Variants in B4GALT1 observed in about 807,000 individuals in gnomAD.
B4GALT1 encodes the protein N-acetyllactosamine synthase.
A neutral mutation model predicts 34.9 loss-of-function variants in B4GALT1; 16 were observed. That is an observed-to-expected ratio of 0.46 (90% CI 0.31 to 0.70). The LOEUF (loss-of-function observed/expected upper bound fraction) is 0.70. Ranked by LOEUF, B4GALT1 falls within the 30% of genes least tolerant of loss-of-function variation. The pLI, the probability that B4GALT1 is intolerant of heterozygous loss-of-function variation, is 0.05. For missense variants in B4GALT1, 445 were observed against 530.5 expected (o/e 0.84, Z 1.58); for synonymous variants, 221 against 218.1 (o/e 1.01, Z -0.12).
At chr9:33,180,845 A>T in the B4GALT1 span, among the ~76,000 whole-genome samples, 3 of 152,158 alleles carry the variant, frequency 2.0e-5, no homozygotes, top group East Asian at 5.8e-4. Flanking sequence ...CCAAAATAAG[A>T]TGGGGGATTG....
chr9:33,165,739 C>T (rs1034038204), intron 1 of B4GALT1, among the ~76,000 whole-genome samples: 2 of 152,162 alleles, frequency 1.3e-5, no homozygotes, highest in African/African-American at 4.8e-5. Context: ...GTGTGGTAAC[C>T]CTGGAAGCAA....
chr9:33,126,603 T>G (rs1840101631), intron 2 of B4GALT1, among the ~76,000 whole-genome samples: 1 of 152,254 alleles, frequency 6.6e-6, no homozygotes, highest in Non-Finnish European at 1.5e-5. Context: ...TAAACATTGT[T>G]AACTATTGTT....
intron 2 of B4GALT1, among the ~76,000 whole-genome samples, chr9:33,126,458 G>A (rs1377335966): frequency 6.6e-6 from 1 of 152,056 alleles, no homozygotes; most frequent in East Asian, 1.9e-4. Context: ...TTGTTTTTTT[G>A]CAGGGGAGAC....
chr9:33,146,834 T>C lies in B4GALT1; in HGVS notation c.413-11410A>G, dbSNP rs555086753. On this transcript the variant is annotated intron_variant, in intron 1 of 5. Transcript: ENST00000379731. ...TCAGCCTACTGAGTACCTGGGAATA[T>C]AGGTGCATGTCACCACACACCACAT... 5.3e-5 allele frequency among the ~76,000 whole-genome samples: 8 copies of C among 152,230 alleles called. No homozygotes were observed. The South Asian group carries it at 1.7e-3, about 32-fold the overall frequency.
chr9:33,137,744 G>A (rs1840291514), intron 1 of B4GALT1, among the ~76,000 whole-genome samples: 1 of 152,126 alleles, frequency 6.6e-6, no homozygotes, highest in African/African-American at 2.4e-5. Flanking sequence ...GGGCTCCGAT[G>A]GACCATCTGA....
At chr9:33,166,000 A>C (rs1267939347) in intron 1 of B4GALT1, among the ~76,000 whole-genome samples, 2 of 152,124 alleles carry the variant, frequency 1.3e-5, no homozygotes, top group Non-Finnish European at 1.5e-5. Flanking sequence ...CCCAGAGTAC[A>C]CAAGCTCTCT....
chr9:33,127,000 C>T lies in B4GALT1; in HGVS notation c.649-6394G>A, dbSNP rs144995068. On this transcript the variant is annotated intron_variant, in intron 2 of 5. Transcript: ENST00000379731. Reference sequence around the variant, plus strand: ...TTTTTAAAATGGAGTCTCACTCTGTCGCCCAGGCTGGAGTGCAGTGGCGCG... The same window carrying T: ...TTTTTAAAATGGAGTCTCACTCTGTTGCCCAGGCTGGAGTGCAGTGGCGCG... 3.9e-3 allele frequency among the ~76,000 whole-genome samples: 587 copies of T among 152,088 alleles called. 4 individuals carry two copies. The highest frequency in any genetic ancestry group is 0.013 in the African/African-American group (546 of 41,492).
chr9:33,178,764 T>C, the B4GALT1 span: 6 of 152,260 alleles, frequency 3.9e-5, no homozygotes, highest in Admixed American at 3.3e-4. Context: ...CTGCCTTCAA[T>C]TGCTGTATCT....
At chr9:33,157,183 C>A (rs1840609392) in intron 1 of B4GALT1, among the ~76,000 whole-genome samples, 1 of 149,042 alleles carries the variant, frequency 6.7e-6, no homozygotes, top group Non-Finnish European at 1.5e-5. Flanking sequence ...CAGTGTGAGG[C>A]TCCAGCTAGA....
the B4GALT1 span, among the ~76,000 whole-genome samples, chr9:33,181,130 C>G: frequency 6.6e-6 from 1 of 152,132 alleles, no homozygotes; most frequent in South Asian, 2.1e-4. Flanking sequence ...CTTTAAAAGT[C>G]TATCCTTGGC....
chr9:33,114,208 T>G (rs1839907532), intron 4 of B4GALT1, among the ~76,000 whole-genome samples: 1 of 152,084 alleles, frequency 6.6e-6, no homozygotes, highest in Non-Finnish European at 1.5e-5. Context: ...GAAGATGAGG[T>G]TGGAGACACA....
At chr9:33,173,591 GGTGT>G in the B4GALT1 span, among the ~76,000 whole-genome samples, 2,264 of 142,872 alleles carry the variant, frequency 0.016, 21 homozygotes, top group East Asian at 0.033. Context: ...AAATAAGAAT[GGTGT>G]GTGTGTGTGT....
rs1184064949 is a variant in B4GALT1 at position 33,154,409 on chromosome 9, A to G, written c.412+12349T>C. On this transcript the variant is annotated intron_variant, in intron 1 of 5. Coordinates refer to ENST00000379731, the MANE Select transcript of B4GALT1 (RefSeq NM_001497.4). ...ACCATTCTTAATAGTCAAAGACTGG[A>G]TATTTTCCCCCTAACAAGACACATA... Among the ~76,000 whole-genome samples the G allele has an allele frequency of 7.2e-5, 11 of 152,226 alleles. No individual in the cohort carries two copies. The East Asian group carries it at 2.1e-3, about 29-fold the overall frequency.
At chr9:33,181,442 AC>A in the B4GALT1 span, among the ~76,000 whole-genome samples, 5 of 151,108 alleles carry the variant, frequency 3.3e-5, no homozygotes, top group African/African-American at 1.2e-4. Flanking sequence ...ACACACACAC[AC>A]ACACACACAC....
chr9:33,173,591 G>GGTGTGTGTGTGTGTGT, the B4GALT1 span, among the ~76,000 whole-genome samples: 1,006 of 143,126 alleles, frequency 7.0e-3, 5 homozygotes, highest in Admixed American at 8.7e-3. Flanking sequence ...AAATAAGAAT[G>GGTGTGTGTGTGTGTGT]GTGTGTGTGT....
intron 1 of B4GALT1, among the ~76,000 whole-genome samples, chr9:33,144,527 C>T (rs565801116): frequency 6.6e-6 from 1 of 152,216 alleles, no homozygotes; most frequent in South Asian, 2.1e-4. Context: ...CATGAGCCAC[C>T]ATGCCCAGCC....
intron 1 of B4GALT1, among the ~76,000 whole-genome samples, chr9:33,136,951 T>C (rs953658322): frequency 1.3e-5 from 2 of 151,854 alleles, no homozygotes; most frequent in Non-Finnish European, 2.9e-5. Flanking sequence ...GAAAAAAAGC[T>C]GTGGGCCTGC....
the B4GALT1 span, among the ~76,000 whole-genome samples, chr9:33,183,781 A>T: frequency 4.0e-5 from 6 of 151,280 alleles, no homozygotes; most frequent in Non-Finnish European, 2.9e-5. Flanking sequence ...TTAAAGTATA[A>T]TAATAAAAGA....
chr9:33,166,822 C>T lies in B4GALT1; in HGVS notation c.348G>A (p.Ser116=). Residue 116 remains serine (S), a synonymous_variant, in exon 1 of 6, where the codon TCG becomes TCA. Transcript: ENST00000379731. ...SGPGPASNLT[S]VPVPHTTALS... ...GTGCGGTGGTGTGGGGCACTGGGAC[C>T]GAGGTCAAGTTGCTAGCGGGGCCAG... The T allele has an allele frequency of 6.5e-7, 1 of 1,549,348 alleles. No homozygotes were observed. Among genetic ancestry groups the T allele is most frequent in the South Asian group, 1.2e-5 (1 of 82,748 alleles).
Sources: gnomAD v4.1 joint callset for allele counts (sites outside exome capture counted in the v4.1 genomes callset) on GRCh38, gnomAD v4.1.1 for gene constraint, MANE v1.5 for transcripts, NCBI Gene and HGNC (gene_info 2026-07-23, HGNC 2026-07-21) for gene names.